Variants in GRM7 observed in about 807,000 individuals in gnomAD.
GRM7 encodes the protein glutamate metabotropic receptor 7, also known as metabotropic glutamate receptor 7.
GRM7 carries 35 observed loss-of-function variants against 84.5 expected under a neutral mutation model. That is an observed-to-expected ratio of 0.41 (90% CI 0.32 to 0.55). The LOEUF is 0.55. Among genes scored for constraint, GRM7 ranks in the 20% least tolerant of loss-of-function variants. GRM7 has a pLI of 0.19. For synonymous variants in GRM7, 487 were observed against 455.1 expected (o/e 1.07, Z -0.89); for missense variants, 1,003 against 1,194.6 (o/e 0.84, Z 2.36).
chr3:7,422,253 A>C (rs1696427416), intron 5 of GRM7, among the ~76,000 whole-genome samples: 2 of 152,172 alleles, frequency 1.3e-5, no homozygotes. Flanking sequence ...CCCATAACAC[A>C]AGGCAACCAC....
At chr3:7,297,154 A>G (rs901194822) in intron 2 of GRM7, among the ~76,000 whole-genome samples, 1 of 152,084 alleles carries the variant, frequency 6.6e-6, no homozygotes, top group African/African-American at 2.4e-5. Flanking sequence ...CCATCTAAAC[A>G]CTGCTTTATC....
At chr3:6,973,741 G>A (rs1237437206) in intron 1 of GRM7, among the ~76,000 whole-genome samples, 1 of 152,194 alleles carries the variant, frequency 6.6e-6, no homozygotes, top group African/African-American at 2.4e-5. Context: ...AATATTCAAA[G>A]AGCAGCAAGG....
chr3:7,250,343 T>C (rs1284696094), intron 2 of GRM7, among the ~76,000 whole-genome samples: 1 of 152,056 alleles, frequency 6.6e-6, no homozygotes, highest in South Asian at 2.1e-4. Flanking sequence ...GTTGGAAGTA[T>C]GTGAAAGTAG....
intron 2 of GRM7, among the ~76,000 whole-genome samples, chr3:7,186,833 C>G (rs1575007128): frequency 6.6e-6 from 1 of 152,278 alleles, no homozygotes; most frequent in East Asian, 1.9e-4. Context: ...TTTCAAAGTT[C>G]TCTTGGGGCT....
intron 2 of GRM7, among the ~76,000 whole-genome samples, chr3:7,261,081 G>A (rs1353962079): frequency 6.6e-6 from 1 of 152,088 alleles, no homozygotes; most frequent in African/African-American, 2.4e-5. Context: ...GCTGTGTCTA[G>A]TTGGCCAGCT....
chr3:7,552,611 C>T (rs1476570240), intron 7 of GRM7, among the ~76,000 whole-genome samples: 1 of 152,188 alleles, frequency 6.6e-6, no homozygotes, highest in Non-Finnish European at 1.5e-5. Context: ...CTACCATGCA[C>T]CCGCAGGCCC....
chr3:6,990,729 CT>C (rs1384422008), intron 1 of GRM7, among the ~76,000 whole-genome samples: 8 of 152,166 alleles, frequency 5.3e-5, no homozygotes, highest in Non-Finnish European at 1.0e-4. Context: ...AATACAGGTT[CT>C]TTCTGCAGGA....
chr3:7,134,628 C>T (rs564905017), intron 1 of GRM7, among the ~76,000 whole-genome samples: 2 of 152,262 alleles, frequency 1.3e-5, no homozygotes, highest in South Asian at 2.1e-4. Context: ...TCTGATTGGT[C>T]AACTTGGACC....
At chr3:7,711,739 C>T (rs577851312) in intron 9 of GRM7, among the ~76,000 whole-genome samples, 21 of 152,304 alleles carry the variant, frequency 1.4e-4, no homozygotes, top group African/African-American at 4.1e-4. Flanking sequence ...GTGTTACACA[C>T]GCGGCACCAT....
intron 1 of GRM7, among the ~76,000 whole-genome samples, chr3:7,022,274 C>T (rs1487006069): frequency 2.0e-5 from 3 of 151,274 alleles, no homozygotes; most frequent in African/African-American, 7.3e-5. Flanking sequence ...TGCAGTGAGC[C>T]GAGATTGTGC....
intron 1 of GRM7, among the ~76,000 whole-genome samples, chr3:7,114,750 G>A (rs1273136326): frequency 6.6e-6 from 1 of 152,102 alleles, no homozygotes; most frequent in Non-Finnish European, 1.5e-5. Context: ...AATAAATTGG[G>A]AGTATAACAT....
chr3:7,455,869 C>G (rs940971294), intron 6 of GRM7, among the ~76,000 whole-genome samples: 8 of 152,014 alleles, frequency 5.3e-5, no homozygotes, highest in African/African-American at 1.9e-4. Flanking sequence ...TTAAAAAACT[C>G]TTTACTTTTT....
intron 5 of GRM7, among the ~76,000 whole-genome samples, chr3:7,431,821 G>A (rs571750467): frequency 6.6e-6 from 1 of 152,308 alleles, no homozygotes; most frequent in African/African-American, 2.4e-5. Context: ...GTAGTTATGG[G>A]AGTACCAACA....
intron 6 of GRM7, among the ~76,000 whole-genome samples, chr3:7,460,247 T>A (rs1466464474): frequency 6.6e-6 from 1 of 152,062 alleles, no homozygotes; most frequent in African/African-American, 2.4e-5. Flanking sequence ...TTTTTTATAG[T>A]TTTTATCATT....
chr3:6,899,890 G>T (rs879721355), intron 1 of GRM7, among the ~76,000 whole-genome samples: 1 of 152,110 alleles, frequency 6.6e-6, no homozygotes, highest in Non-Finnish European at 1.5e-5. Flanking sequence ...TTTAATTAGA[G>T]GTGTGTGTGT....
At chr3:7,168,460 C>A (rs1441975891) in intron 2 of GRM7, among the ~76,000 whole-genome samples, 1 of 152,060 alleles carries the variant, frequency 6.6e-6, no homozygotes, top group African/African-American at 2.4e-5. Context: ...CAGGAGAGAT[C>A]TCTCTCTCTT....
chr3:7,505,151 T>C (rs1040901450), intron 7 of GRM7, among the ~76,000 whole-genome samples: 6 of 152,206 alleles, frequency 3.9e-5, no homozygotes, highest in East Asian at 1.9e-4. Flanking sequence ...ATATTATTCA[T>C]TGAAGCTTCA....
In GRM7 at chr3:7,151,117, G is replaced by T. The variant is rs1286591645; in HGVS notation, c.736+4449G>T. ...ATTATTATTATTCAGATAAACTCTAGAATTTATTTTTAATTAATACTTTAT... is the reference window on the plus strand; with the variant it reads ...ATTATTATTATTCAGATAAACTCTATAATTTATTTTTAATTAATACTTTAT... On this transcript the variant is annotated intron_variant, in intron 2 of 9. Coordinates refer to ENST00000357716, the MANE Select transcript of GRM7 (RefSeq NM_000844.4). The surrounding 1 kb of genome is among the most constrained non-coding windows in gnomAD (Gnocchi z 4.5). Among the ~76,000 whole-genome samples the T allele has an allele frequency of 6.6e-6, 1 of 151,468 alleles. No individual in the cohort carries two copies. The highest frequency in any genetic ancestry group is 2.4e-5 in the African/African-American group (1 of 41,050).
At chr3:7,713,795 C>CT (rs60007117) in intron 9 of GRM7, among the ~76,000 whole-genome samples, 858 of 64,740 alleles carry the variant, frequency 0.013, 31 homozygotes, top group African/African-American at 0.038. Context: ...CGGATGCTTT[C>CT]TTTTTTTTTT....
Sources: gnomAD v4.1 joint callset for allele counts (sites outside exome capture counted in the v4.1 genomes callset) on GRCh38, gnomAD v4.1.1 for gene constraint, Gnocchi (gnomAD v3.1) non-coding constraint, MANE v1.5 for transcripts, NCBI Gene and HGNC (gene_info 2026-07-23, HGNC 2026-07-21) for gene names.